Variants in CFAP221 observed in about 807,000 individuals in gnomAD.
The protein encoded by CFAP221 is cilia- and flagella-associated protein 221.
Under a neutral mutation model 113.1 loss-of-function variants are expected in CFAP221, and 97 were observed. That is an observed-to-expected ratio of 0.86 (90% CI 0.73 to 1.02). The LOEUF (loss-of-function observed/expected upper bound fraction) is 1.02, where lower values mean the gene tolerates loss of function less well. Among genes scored for constraint, CFAP221 ranks in the 50% least tolerant of loss-of-function variants. The pLI is 0.00. For missense variants in CFAP221, 1,025 were observed against 1,013.4 expected, an observed-to-expected ratio of 1.01 and a Z score of -0.16; for synonymous variants, 331 against 354.4, an observed-to-expected ratio of 0.93 and a Z score of 0.74.
rs193126981 is a variant in CFAP221, at chr2:119,625,741, C to T, written c.1516+53C>T. 1,112 of 1,448,800 alleles carry T rather than the reference C, an allele frequency of 7.7e-4. 2 individuals carry two copies. The highest frequency in any genetic ancestry group is 9.4e-4 in the Non-Finnish European group (971 of 1,036,942). 89.7% of individuals were successfully genotyped at this position (1,448,800 alleles called of 1,614,324 possible). On this transcript the variant is annotated intron_variant, in intron 15 of 23. Coordinates refer to ENST00000413369, the MANE Select transcript of CFAP221 (RefSeq NM_001271049.2). ...TGCCGAGACTGATCATGCCTCTGAG[C>T]GTGAACTTTCCTTAGAATGAAGTTA...
At chr2:119,623,755 C>T (rs1300609567) in intron 14 of CFAP221, among the ~76,000 whole-genome samples, 3 of 152,146 alleles carry the variant, frequency 2.0e-5, no homozygotes, top group East Asian at 3.8e-4. Flanking sequence ...CTGACAAAAA[C>T]AAGCAATGGG....
intron 23 of CFAP221, among the ~76,000 whole-genome samples, chr2:119,654,120 G>A (rs1315173003): frequency 6.6e-6 from 1 of 152,122 alleles, no homozygotes; most frequent in Non-Finnish European, 1.5e-5. Flanking sequence ...AGCTGTATGA[G>A]GTCTCTCTGG....
intron 21 of CFAP221, among the ~76,000 whole-genome samples, chr2:119,644,835 C>T (rs893602310): frequency 6.6e-6 from 1 of 152,150 alleles, no homozygotes; most frequent in Non-Finnish European, 1.5e-5. Context: ...TGCTTTCCAC[C>T]ATTCCATATT....
At chr2:119,614,624 G>A (rs908964613) in intron 13 of CFAP221, among the ~76,000 whole-genome samples, 5 of 152,116 alleles carry the variant, frequency 3.3e-5, no homozygotes, top group Non-Finnish European at 5.9e-5. Context: ...ACGAGAACAG[G>A]ATGGGGAAAA....
At chr2:119,636,931 A>T (rs917693784) in intron 19 of CFAP221, among the ~76,000 whole-genome samples, 2 of 152,130 alleles carry the variant, frequency 1.3e-5, no homozygotes, top group Admixed American at 6.5e-5. Flanking sequence ...AAGGCAGACC[A>T]AGAGAGGCGG....
intron 7 of CFAP221, among the ~76,000 whole-genome samples, chr2:119,589,148 C>G (rs1461469407): frequency 6.6e-6 from 1 of 152,220 alleles, no homozygotes; most frequent in Non-Finnish European, 1.5e-5. Context: ...GCCCTTCAGC[C>G]TCCTCGGTAG....
chr2:119,561,147 A>G (rs1339625835), intron 5 of CFAP221, among the ~76,000 whole-genome samples: 1 of 152,026 alleles, frequency 6.6e-6, no homozygotes, highest in East Asian at 1.9e-4. Context: ...AAAATTAGCC[A>G]GGCCTAGTGG....
rs1268364677 is a variant in CFAP221, at chr2:119,587,151, G to A, written c.560G>A (p.Cys187Tyr). The A allele has an allele frequency of 5.2e-6, 8 of 1,531,462 alleles. No homozygotes were observed. The highest frequency in any genetic ancestry group is 7.0e-6 in the Non-Finnish European group (8 of 1,144,736). 94.9% of individuals were successfully genotyped at this position (1,531,462 alleles called of 1,614,324 possible). Residue 187 changes from cysteine (C) to tyrosine (Y), a missense_variant, in exon 7 of 24, where the codon TGC becomes TAC. Coordinates refer to ENST00000413369, the MANE Select transcript of CFAP221 (RefSeq NM_001271049.2). ...KTYVIPLQCS[C>Y]PVDFEFYITL... Reference sequence around the variant, plus strand: ...TATGTTATTCCTTTGCAGTGCAGCTGCCCTGTAGATTTTGAGTTTTATATC... The same window carrying A: ...TATGTTATTCCTTTGCAGTGCAGCTACCCTGTAGATTTTGAGTTTTATATC...
Position 119,630,765 on chromosome 2 carries a change from A to G in CFAP221, c.1840-2A>G. ...TAACGTGCTGTCCTTGCTCCTTGTT[A>G]GGATGAAGTCACCACCATCACAGCC... On this transcript the variant is annotated splice_acceptor_variant, in intron 18 of 23. Coordinates refer to ENST00000413369, the MANE Select transcript of CFAP221 (RefSeq NM_001271049.2). LOFTEE classifies it high-confidence loss of function. The G allele has an allele frequency of 6.2e-7, 1 of 1,609,660 alleles. No homozygotes were observed. The highest frequency in any genetic ancestry group is 8.5e-7 in the Non-Finnish European group (1 of 1,176,268).
intron 7 of CFAP221, among the ~76,000 whole-genome samples, chr2:119,595,421 T>C (rs1683891435): frequency 6.6e-6 from 1 of 152,234 alleles, no homozygotes; most frequent in Admixed American, 6.5e-5. Flanking sequence ...TTTTTTTTCC[T>C]TACCATTTTT....
chr2:119,592,636 G>A (rs780073644), intron 7 of CFAP221, among the ~76,000 whole-genome samples: 2 of 152,130 alleles, frequency 1.3e-5, no homozygotes, highest in African/African-American at 2.4e-5. Context: ...TGGCTGTCTG[G>A]ATGCTGTCAC....
At position 119,604,994 on chromosome 2, in the gene CFAP221, A is replaced by G. The variant is rs749830944; in HGVS notation, c.1024+7A>G. ...ATTAAAGAATTAAGAGAAGGTAACC[A>G]GTTGATTGGCCATAAAGCAGCCCCT... On this transcript the variant is annotated splice_region_variant and intron_variant, in intron 10 of 23. Coordinates refer to ENST00000413369, the MANE Select transcript of CFAP221 (RefSeq NM_001271049.2). 1 of 1,612,054 alleles carries G rather than the reference A, an allele frequency of 6.2e-7. No homozygotes were observed. Among genetic ancestry groups the G allele is most frequent in the South Asian group, 1.1e-5 (1 of 90,986 alleles).
At chr2:119,606,280 A>G (rs1574114214) in intron 11 of CFAP221, among the ~76,000 whole-genome samples, 1 of 151,852 alleles carries the variant, frequency 6.6e-6, no homozygotes, top group African/African-American at 2.4e-5. Flanking sequence ...GATTACAGGT[A>G]CGAGTCCCCA....
intron 6 of CFAP221, among the ~76,000 whole-genome samples, chr2:119,584,312 C>T (rs1004001315): frequency 6.6e-6 from 1 of 152,146 alleles, no homozygotes; most frequent in Non-Finnish European, 1.5e-5. Flanking sequence ...TGAGGCCAGT[C>T]ATGATGTCTC....
chr2:119,628,499 A>G (rs181373605), intron 16 of CFAP221, among the ~76,000 whole-genome samples: 210 of 152,276 alleles, frequency 1.4e-3, no homozygotes, highest in Middle Eastern at 3.4e-3. Context: ...TCTTCAACAA[A>G]TCTACCTGAT....
intron 11 of CFAP221, 148 bp downstream of exon 11, chr2:119,605,437 A>G (rs1409202995): frequency 1.5e-6 from 1 of 674,540 alleles, no homozygotes; most frequent in Non-Finnish European, 2.6e-6. Context: ...GTCCTTCAGT[A>G]GGAAGTTTCT....
rs779019560 is a variant in CFAP221, at chr2:119,656,522, C to T, written c.*52C>T. ...ATTTGCTTTCCGTGGGCCACTGTGG[C>T]CCCTTGCGTCCATTTACATGCCAGC... On this transcript the variant is annotated 3_prime_UTR_variant, in exon 24 of 24. Coordinates refer to ENST00000413369, the MANE Select transcript of CFAP221 (RefSeq NM_001271049.2). The T allele has an allele frequency of 7.1e-6, 9 of 1,272,330 alleles. No homozygotes were observed. The East Asian group carries it at 9.4e-5, about 13-fold the overall frequency. The allele number at this position is 1,272,330 out of a possible 1,614,324, so 78.8% of individuals were successfully genotyped here.
chr2:119,587,797 A>G (rs1302690538), intron 7 of CFAP221, among the ~76,000 whole-genome samples: 2 of 152,214 alleles, frequency 1.3e-5, no homozygotes, highest in African/African-American at 4.8e-5. Flanking sequence ...GTTAAATTTA[A>G]ACAATTTAAC....
intron 13 of CFAP221, among the ~76,000 whole-genome samples, chr2:119,613,786 C>T (rs1685338806): frequency 6.6e-6 from 1 of 152,246 alleles, no homozygotes; most frequent in Admixed American, 6.5e-5. Context: ...TTTGGCACCT[C>T]ATTACTTATG....
Sources: allele counts gnomAD v4.1 joint callset (sites outside exome capture counted in the v4.1 genomes callset), GRCh38; gene constraint gnomAD v4.1.1; transcripts MANE v1.5; gene names NCBI Gene and HGNC (gene_info 2026-07-23, HGNC 2026-07-21).